Variants in ESRP1 observed in about 807,000 individuals in gnomAD.
The protein encoded by ESRP1 is epithelial splicing regulatory protein 1, also known as RNA-binding motif protein 35A.
ESRP1 carries 33 observed loss-of-function variants against 81.7 expected under a neutral mutation model. The observed-to-expected ratio is 0.40, with a 90% confidence interval of 0.31 to 0.54. The LOEUF (loss-of-function observed/expected upper bound fraction) is 0.54, where lower values mean the gene tolerates loss of function less well. ESRP1 is among the 20% of genes least tolerant of loss of function. ESRP1 has a pLI of 0.41. For synonymous variants in ESRP1, 320 were observed against 303.3 expected (o/e 1.06, Z -0.57); for missense variants, 672 against 833.1 (o/e 0.81, Z 2.38).
rs1246188601 is a variant in ESRP1 at position 94,672,448 on chromosome 8, G to A, written c.1452+777G>A. On this transcript the variant is annotated intron_variant, in intron 11 of 15. Transcript: ENST00000433389. The stretch of plus-strand genomic sequence containing the variant: ...TTGGTTAAAGAAAATTATATTTGCT[G>A]GAAAATTTAACAGTATTTTGTGCTG... Among the ~76,000 whole-genome samples, 3 of 152,088 alleles carry A rather than the reference G, an allele frequency of 2.0e-5. No individual in the cohort carries two copies. In the East Asian group the frequency reaches 5.8e-4, roughly 29 times the overall value.
rs376259698 is a variant in ESRP1, at chr8:94,646,263, C to A, written c.471C>A (p.Asp157Glu). ...GTTCACCTGATATTGACAAACTGGA[C>A]GTTGCCACAATGACAGAGTGTATCC... The part of the protein sequence containing the change: ...CPGSPDIDKL[D>E]VATMTEYLNF... The change falls in exon 4 of 16, where the codon GAC becomes GAA. Residue 157 changes from aspartate (D) to glutamate (E), a missense_variant. Physicochemically the swap from Asp to Glu is conservative, Grantham distance 45. Transcript: ENST00000433389. The A allele has an allele frequency of 1.0e-5, 16 of 1,607,660 alleles. No individual in the cohort carries two copies. The African/African-American group carries it at 1.3e-4, about 13-fold the overall frequency.
chr8:94,647,130 TTCACGA>T (rs1479697900), intron 4 of ESRP1, among the ~76,000 whole-genome samples: 9 of 152,204 alleles, frequency 5.9e-5, no homozygotes, highest in African/African-American at 2.2e-4. Context: ...TTTGTGTTAC[TTCACGA>T]TTTTTTTTCC....
chr8:94,689,968 C>T (rs1453958430), intron 13 of ESRP1, among the ~76,000 whole-genome samples: 1 of 151,818 alleles, frequency 6.6e-6, no homozygotes, highest in Non-Finnish European at 1.5e-5. Context: ...AGGCGCCCAC[C>T]ACCATGCTCG....
At chr8:94,674,185 C>T (rs974827469) in intron 11 of ESRP1, 123 bp from the exon 12 acceptor site, 13 of 1,082,952 alleles carry the variant, frequency 1.2e-5, no homozygotes, top group Admixed American at 2.7e-5. Flanking sequence ...CACCATCACC[C>T]GGATTTTGTG....
At chr8:94,689,438 T>C (rs963392842) in intron 13 of ESRP1, among the ~76,000 whole-genome samples, 1 of 152,068 alleles carries the variant, frequency 6.6e-6, no homozygotes, top group African/African-American at 2.4e-5. Flanking sequence ...TTTTGGTTGT[T>C]GTAGTGTATA....
intron 4 of ESRP1, among the ~76,000 whole-genome samples, chr8:94,655,060 G>GGTTTTTTTT (rs1554575850): frequency 6.8e-6 from 1 of 146,626 alleles, no homozygotes; most frequent in African/African-American, 2.5e-5. Context: ...GGTTTTTTGG[G>GGTTTTTTTT]TTTTTTGTGT....
At position 94,706,065 on chromosome 8, in the gene ESRP1, G is replaced by C; in HGVS notation, c.*176G>C. On this transcript the variant is annotated 3_prime_UTR_variant, in exon 16 of 16. Transcript: ENST00000433389. ...AAACGGGCCTGTGCCTTATCTTTTG[G>C]TGGAGTGAAAAAATTTGAGCTAGTG... 2 of 1,071,632 alleles carry C rather than the reference G, an allele frequency of 1.9e-6. No homozygotes were observed. Among genetic ancestry groups the C allele is most frequent in the Admixed American group, 3.1e-5 (1 of 32,406 alleles). 66.4% of individuals were successfully genotyped at this position (1,071,632 alleles called of 1,614,324 possible). A position where few individuals can be genotyped will look rare whatever the true frequency, so the allele number is the denominator to read the frequency against.
intron 4 of ESRP1, among the ~76,000 whole-genome samples, chr8:94,649,947 T>C (rs1214179194): frequency 2.0e-5 from 3 of 152,172 alleles, no homozygotes; most frequent in Admixed American, 1.3e-4. Flanking sequence ...GCTGCACCAT[T>C]GAGCAGAAAG....
chr8:94,656,314 G>C (rs973860575), intron 4 of ESRP1: 1 of 152,268 alleles, frequency 6.6e-6, no homozygotes, highest in African/African-American at 2.4e-5. Flanking sequence ...CGCTTCCCGG[G>C]TTCAAGCCAT....
rs2303455 is a variant in ESRP1 at position 94,662,382 on chromosome 8, T to G, written c.589+12T>G. The G allele has an allele frequency of 0.016, 24,730 of 1,553,894 alleles. 285 individuals carry two copies. The highest frequency in any genetic ancestry group is 0.025 in the East Asian group (1,083 of 44,068). Reference sequence around the variant, plus strand: ...TTCAGAGCCTTATAGTAAGTATTGCTTTTATAGTAGTGCAGTCCCAGAATT... The same window carrying G: ...TTCAGAGCCTTATAGTAAGTATTGCGTTTATAGTAGTGCAGTCCCAGAATT... On this transcript the variant is annotated intron_variant, in intron 5 of 15. Coordinates refer to ENST00000433389, the MANE Select transcript of ESRP1 (RefSeq NM_017697.4).
chr8:94,663,115 A>G (rs575178806), intron 6 of ESRP1, among the ~76,000 whole-genome samples: 285 of 152,224 alleles, frequency 1.9e-3, no homozygotes, highest in African/African-American at 6.5e-3. Flanking sequence ...CATATCTGTG[A>G]TTGTTATTTT....
At chr8:94,642,128 C>T (rs1817632913) in intron 2 of ESRP1, 44 bp downstream of exon 2, 1 of 1,592,930 alleles carries the variant, frequency 6.3e-7, no homozygotes, top group African/African-American at 1.3e-5. Context: ...CTGGGCCCAA[C>T]CCCACCGCAC....
intron 4 of ESRP1, among the ~76,000 whole-genome samples, chr8:94,647,656 A>C (rs1817915958): frequency 6.6e-6 from 1 of 152,122 alleles, no homozygotes; most frequent in Non-Finnish European, 1.5e-5. Context: ...CCCTCTCTCC[A>C]GATAGTTACA....
At chr8:94,666,569 G>C (rs1055150167) in intron 9 of ESRP1, among the ~76,000 whole-genome samples, 1 of 152,156 alleles carries the variant, frequency 6.6e-6, no homozygotes. Context: ...CTGTGTAAAA[G>C]AACATTTGTA....
At chr8:94,641,863 C>A (rs1817614904) in intron 1 of ESRP1, 93 bp from the exon 2 acceptor site, 3 of 1,546,434 alleles carry the variant, frequency 1.9e-6, no homozygotes, top group South Asian at 1.2e-5. Context: ...CCAAGAGAGG[C>A]GCGGGCCGCC....
chr8:94,680,208 A>G (rs1168425795), intron 13 of ESRP1, among the ~76,000 whole-genome samples: 7 of 152,132 alleles, frequency 4.6e-5, no homozygotes, highest in Non-Finnish European at 8.8e-5. Context: ...GTGGAATTTT[A>G]AAAAGGAAGG....
chr8:94,666,203 T>G (rs1474382804), intron 9 of ESRP1, among the ~76,000 whole-genome samples: 1 of 152,238 alleles, frequency 6.6e-6, no homozygotes, highest in Non-Finnish European at 1.5e-5. Flanking sequence ...CTACATAGTA[T>G]TATATGTACC....
At chr8:94,671,741 A>T in intron 11 of ESRP1, 70 bp downstream of exon 11, 1 of 992,752 alleles carries the variant, frequency 1.0e-6, no homozygotes, top group Non-Finnish European at 1.5e-6. Flanking sequence ...CTAATATTAG[A>T]TATTAGATAA....
intron 1 of ESRP1, chr8:94,641,701 CG>C: frequency 4.3e-6 from 3 of 705,600 alleles, no homozygotes; most frequent in Non-Finnish European, 4.3e-6. Flanking sequence ...CTTTGCCCGT[CG>C]GGGGACGCTC....
Sources: allele counts gnomAD v4.1 joint callset (sites outside exome capture counted in the v4.1 genomes callset), GRCh38; gene constraint gnomAD v4.1.1; transcripts MANE v1.5; gene names NCBI Gene and HGNC (gene_info 2026-07-23, HGNC 2026-07-21).